Variants in AHR observed in about 807,000 individuals in gnomAD.
The protein encoded by AHR is aryl hydrocarbon receptor, also known as AH-receptor.
AHR carries 40 observed loss-of-function variants against 86.8 expected under a neutral mutation model. The ratio of observed to expected loss-of-function variants is 0.46; its 90% CI spans 0.36 to 0.60. AHR has a LOEUF of 0.60. Among genes scored for constraint, AHR ranks in the 20% least tolerant of loss-of-function variants. The probability of loss-of-function intolerance (pLI) is 0.00; values close to 1 mark genes in which losing one functional copy is unlikely to be tolerated. For missense variants in AHR, 1,001 were observed against 1,011.6 expected (o/e 0.99, Z 0.14); for synonymous variants, 398 against 354.9 (o/e 1.12, Z -1.37).
At chr7:17,309,230 C>T (rs1040535039) in intron 1 of AHR, among the ~76,000 whole-genome samples, 23 of 152,086 alleles carry the variant, frequency 1.5e-4, no homozygotes, top group African/African-American at 5.1e-4. Flanking sequence ...ACACAAGCTA[C>T]GAAAGCTAAT....
intron 4 of AHR, among the ~76,000 whole-genome samples, chr7:17,328,847 G>A (rs1782255370): frequency 1.3e-5 from 2 of 152,020 alleles, no homozygotes; most frequent in East Asian, 3.9e-4. Context: ...AGAAGATTAG[G>A]TTCCTAGGAA....
intron 2 of AHR, among the ~76,000 whole-genome samples, chr7:17,312,112 C>A (rs987508895): frequency 6.6e-6 from 1 of 152,218 alleles, no homozygotes; most frequent in Non-Finnish European, 1.5e-5. Flanking sequence ...ATTGTAACTT[C>A]AGGCCTCCTC....
chr7:17,325,317 T>C (rs566712442), intron 3 of AHR, among the ~76,000 whole-genome samples: 1 of 152,308 alleles, frequency 6.6e-6, no homozygotes, highest in African/African-American at 2.4e-5. Context: ...TATCCTTCTG[T>C]CTTCTGGCAT....
chr7:17,309,010 T>C (rs1782034550), intron 1 of AHR, among the ~76,000 whole-genome samples: 2 of 152,216 alleles, frequency 1.3e-5, no homozygotes, highest in Admixed American at 6.5e-5. Flanking sequence ...TAAATTACTT[T>C]AGTTTCCCAG....
intron 10 of AHR, among the ~76,000 whole-genome samples, chr7:17,342,561 A>G (rs760600475): frequency 1.3e-5 from 2 of 152,158 alleles, no homozygotes; most frequent in African/African-American, 2.4e-5. Context: ...ACCTGGTCAA[A>G]GCAAACCTAC....
chr7:17,337,836 T>C (rs940803455), intron 9 of AHR, among the ~76,000 whole-genome samples: 1 of 152,108 alleles, frequency 6.6e-6, no homozygotes, highest in South Asian at 2.1e-4. Context: ...TTTACCTGTT[T>C]TTCTGTTGAG....
chr7:17,320,309 G>T (rs1284396576), intron 2 of AHR, among the ~76,000 whole-genome samples: 1 of 151,960 alleles, frequency 6.6e-6, no homozygotes, highest in Non-Finnish European at 1.5e-5. Context: ...ACAAGCCCAA[G>T]AACAAATTAT....
intron 1 of AHR, among the ~76,000 whole-genome samples, chr7:17,308,732 T>C (rs900957813): frequency 1.3e-5 from 2 of 149,846 alleles, no homozygotes; most frequent in Admixed American, 6.6e-5. Context: ...CACACACACA[T>C]CATTTTACCG....
In AHR at chr7:17,334,101, G is replaced by T; in HGVS notation, c.895G>T (p.Gly299Cys). ...ACACAAACTAGACTTCACACCTATT[G>T]GTTGTGATGCCAAGTAAGTGAGACT... The part of the protein sequence containing the change: ...TKHKLDFTPI[G>C]CDAKGRIVLG... The change falls in exon 7 of 11, where the codon GGT becomes TGT. Residue 299 changes from glycine to cysteine, a missense_variant. Physicochemically the swap from Gly to Cys is radical, Grantham distance 159 (BLOSUM62 -3). Transcript: ENST00000242057. 1 of 1,612,528 alleles carries T rather than the reference G, an allele frequency of 6.2e-7. No homozygotes were observed. Among genetic ancestry groups the T allele is most frequent in the Non-Finnish European group, 8.5e-7 (1 of 1,178,844 alleles).
Position 17,327,833 on chromosome 7 carries a change from T to C in AHR, c.435T>C (p.Tyr145=). The C allele has an allele frequency of 6.6e-7, 1 of 1,522,772 alleles. No homozygotes were observed. Among genetic ancestry groups the C allele is most frequent in the Non-Finnish European group, 8.9e-7 (1 of 1,119,034 alleles). 94.3% of individuals were successfully genotyped at this position (1,522,772 alleles called of 1,614,324 possible). Residue 145 remains tyrosine, a synonymous_variant, in exon 4 of 11, where the codon TAT becomes TAC. Coordinates refer to ENST00000242057, the MANE Select transcript of AHR (RefSeq NM_001621.5). The part of the protein sequence containing the change: ...VFYASSTIQD[Y]LGFQQSDVIH... ...ATGCTTCTTCTACTATACAAGATTA[T>C]CTAGGGTTTCAGCAGGTAAGTATAT...
chr7:17,326,020 A>G (rs1027559344), intron 3 of AHR, among the ~76,000 whole-genome samples: 1 of 152,170 alleles, frequency 6.6e-6, no homozygotes, highest in African/African-American at 2.4e-5. Context: ...GCAGCATATC[A>G]TGTTATTTAA....
chr7:17,339,485 A>G lies in AHR; in HGVS notation c.1660A>G (p.Arg554Gly). 1.9e-6 allele frequency: 3 copies of G among 1,614,136 alleles called. No individual in the cohort carries two copies. Among genetic ancestry groups the G allele is most frequent in the Non-Finnish European group, 2.5e-6 (3 of 1,180,014 alleles). ...CCTAGGCATTGATTTTGAAGACATC[A>G]GACACATGCAGAATGAAAAATTTTT... The part of the protein sequence containing the change: ...KNLGIDFEDI[R>G]HMQNEKFFRN... Residue 554 changes from arginine to glycine, a missense_variant, in exon 10 of 11, where the codon AGA becomes GGA. Coordinates refer to ENST00000242057, the MANE Select transcript of AHR (RefSeq NM_001621.5).
In AHR at chr7:17,344,097, C is replaced by G. The variant is rs1388617875; in HGVS notation, c.*1033C>G. On this transcript the variant is annotated 3_prime_UTR_variant, in exon 11 of 11. Coordinates refer to ENST00000242057, the MANE Select transcript of AHR (RefSeq NM_001621.5). Reference sequence around the variant, plus strand: ...AAATTGCAAGAAGCTTTATTTCTAGCTTTTTAATTAAGCAAAGCACCCATT... The same window carrying G: ...AAATTGCAAGAAGCTTTATTTCTAGGTTTTTAATTAAGCAAAGCACCCATT... 1.3e-5 allele frequency: 2 copies of G among 152,634 alleles called. No homozygotes were observed. Among genetic ancestry groups the G allele is most frequent in the African/African-American group, 2.4e-5 (1 of 41,434 alleles). The allele number at this position is 152,634 out of a possible 1,614,324, so 9.5% of individuals were successfully genotyped here.
rs1284780342 is a variant in AHR at position 17,322,464 on chromosome 7, TA to T, written c.254-36del. The T allele has an allele frequency of 1.1e-5, 15 of 1,392,396 alleles. No individual in the cohort carries two copies. In the South Asian group the frequency reaches 1.7e-4, roughly 16 times the overall value. 86.3% of individuals were successfully genotyped at this position (1,392,396 alleles called of 1,614,324 possible). On this transcript the variant is annotated intron_variant, in intron 2 of 10. Coordinates refer to ENST00000242057, the MANE Select transcript of AHR (RefSeq NM_001621.5). ...TCTATTATAGCTCTTTACTCTTGCT[TA>T]CTTTTAAAATCATTGTTTTTCCTTT...
intron 2 of AHR, among the ~76,000 whole-genome samples, chr7:17,321,619 A>ACACACACACACG (rs56749030): frequency 6.7e-6 from 1 of 149,798 alleles, no homozygotes; most frequent in African/African-American, 2.5e-5. Flanking sequence ...ACACACACAC[A>ACACACACACACG]GTGAGGAAAA....
At chr7:17,302,052 A>T (rs1781960159) in intron 1 of AHR, among the ~76,000 whole-genome samples, 1 of 152,004 alleles carries the variant, frequency 6.6e-6, no homozygotes. Context: ...AAAGGCCATT[A>T]TATAATTAAA....
intron 6 of AHR, 28 bp downstream of exon 6, chr7:17,330,914 CTTTTACTA>C (rs1451265853): frequency 6.2e-7 from 1 of 1,603,868 alleles, no homozygotes; most frequent in South Asian, 1.1e-5. Context: ...ATGATACTGG[CTTTTACTA>C]TTGTTACAAT....
rs562561518 is a variant in AHR, at chr7:17,334,461, G to C, written c.908+347G>C. Among the ~76,000 whole-genome samples the C allele has an allele frequency of 5.3e-5, 8 of 152,040 alleles. No individual in the cohort carries two copies. In the South Asian group the frequency reaches 1.5e-3, roughly 28 times the overall value. ...AGTAACTTTCAGAAAATTGTGAGCA[G>C]GAGTCTGATATTAAACATTTATATC... On this transcript the variant is annotated intron_variant, in intron 7 of 10. Transcript: ENST00000242057.
intron 1 of AHR, among the ~76,000 whole-genome samples, chr7:17,302,421 G>A (rs1781963934): frequency 6.6e-6 from 1 of 151,928 alleles, no homozygotes; most frequent in South Asian, 2.1e-4. Flanking sequence ...ATACTGAATT[G>A]TATTACTTAC....
Sources: allele counts gnomAD v4.1 joint callset (sites outside exome capture counted in the v4.1 genomes callset), GRCh38; gene constraint gnomAD v4.1.1; transcripts MANE v1.5; gene names NCBI Gene and HGNC (gene_info 2026-07-23, HGNC 2026-07-21).